GRIK3: variants seen among roughly 807,000 people sequenced by gnomAD.
GRIK3 encodes the protein glutamate ionotropic receptor kainate type subunit 3, also known as glutamate receptor ionotropic, kainate 3.
GRIK3 carries 29 observed loss-of-function variants against 102.5 expected under a neutral mutation model. The observed-to-expected ratio is 0.28, with a 90% CI of 0.21 to 0.39. The LOEUF (loss-of-function observed/expected upper bound fraction) is 0.39. Ranked by LOEUF, GRIK3 falls within the 10% of genes least tolerant of loss-of-function variation. GRIK3 has a pLI of 1.00. For synonymous variants in GRIK3, 511 were observed against 504.9 expected (o/e 1.01, Z -0.16); for missense variants, 908 against 1,252.4 (o/e 0.73, Z 4.15).
At chr1:36,865,929 G>A (rs1038610955) in intron 5 of GRIK3, among the ~76,000 whole-genome samples, 3 of 152,198 alleles carry the variant, frequency 2.0e-5, no homozygotes, top group Non-Finnish European at 4.4e-5. Context: ...CCCTAGGCTG[G>A]AGTGCAGCGG....
chr1:36,872,349 G>C lies in GRIK3; in HGVS notation c.571C>G (p.Leu191Val). 6.2e-7 allele frequency: 1 copy of C among 1,603,956 alleles called. No individual in the cohort carries two copies. Among genetic ancestry groups the C allele is most frequent in the South Asian group, 1.1e-5 (1 of 89,618 alleles). ...DSTGLIRLQE[L>V]IMAPSRYNIR... ...TTGTATCTTGATGGGGCCATGATGAGCTCCTGCAGTCGGATGAGCCCTGAG... is the reference window on the plus strand; with the variant it reads ...TTGTATCTTGATGGGGCCATGATGACCTCCTGCAGTCGGATGAGCCCTGAG... Residue 191 changes from leucine (L) to valine (V), a missense_variant, in exon 4 of 16, where the codon CTC becomes GTC. Leu to Val is a conservative substitution (Grantham distance 32). Transcript: ENST00000373091. This position sits in a 1 kb window ranked among gnomAD's most constrained non-coding sequence, Gnocchi z 5.9.
chr1:36,831,948 A>C (rs1225471934), intron 10 of GRIK3, among the ~76,000 whole-genome samples: 1 of 151,672 alleles, frequency 6.6e-6, no homozygotes, highest in Non-Finnish European at 1.5e-5. Flanking sequence ...GCTGCACATG[A>C]ACTGTTCTCC....
chr1:36,955,034 A>G (rs1240035778), intron 1 of GRIK3, among the ~76,000 whole-genome samples: 4 of 152,230 alleles, frequency 2.6e-5, no homozygotes, highest in East Asian at 1.9e-4. Flanking sequence ...TGGTGGTGCT[A>G]TAAGTGGTGT....
intron 1 of GRIK3, among the ~76,000 whole-genome samples, chr1:36,944,206 G>A (rs1318615998): frequency 6.6e-6 from 1 of 152,244 alleles, no homozygotes; most frequent in East Asian, 1.9e-4. Context: ...GGGGTGGAGG[G>A]AGGAGAGGAG....
Position 36,909,240 on chromosome 1 carries a change from G to T in GRIK3, c.116-18144C>A, listed in dbSNP as rs115031292. Among the ~76,000 whole-genome samples, 1,423 of 151,920 alleles carry T rather than the reference G, an allele frequency of 9.4e-3. 20 individuals are homozygous for T. The highest frequency in any genetic ancestry group is 0.031 in the African/African-American group (1,291 of 41,438). The stretch of plus-strand genomic sequence containing the variant: ...ATTAAACCATTGGCAGCCTGAAATC[G>T]GCCATAGTGAGAGTATTTACACCAC... On this transcript the variant is annotated intron_variant, in intron 1 of 15. Transcript: ENST00000373091.
intron 1 of GRIK3, among the ~76,000 whole-genome samples, chr1:36,954,145 A>T (rs999052542): frequency 1.3e-5 from 2 of 152,196 alleles, no homozygotes; most frequent in Non-Finnish European, 2.9e-5. Flanking sequence ...GGACTCTCAA[A>T]GACAAGAATG....
At chr1:36,802,207 T>C (rs1189834015) in intron 15 of GRIK3, among the ~76,000 whole-genome samples, 162 bp from the exon 16 acceptor site, 2 of 152,192 alleles carry the variant, frequency 1.3e-5, no homozygotes, top group Admixed American at 6.5e-5. Context: ...GCAGGATGAT[T>C]AGTTTGTGCA....
chr1:36,955,983 A>G (rs2124339706), intron 1 of GRIK3, among the ~76,000 whole-genome samples: 1 of 152,384 alleles, frequency 6.6e-6, no homozygotes, highest in Non-Finnish European at 1.5e-5. Flanking sequence ...GGTGAGGAAG[A>G]CAAGGTTCTT....
chr1:36,804,819 C>A, intron 15 of GRIK3, 168 bp downstream of exon 15: 1 of 842,176 alleles, frequency 1.2e-6, no homozygotes. Context: ...GAAAAAAGTG[C>A]CAGGTCAGGA....
At chr1:36,902,102 C>T (rs567931816) in intron 1 of GRIK3, among the ~76,000 whole-genome samples, 3 of 152,134 alleles carry the variant, frequency 2.0e-5, no homozygotes, top group Non-Finnish European at 4.4e-5. Context: ...AATGGAGAGA[C>T]CTTCAATGTT....
intron 1 of GRIK3, among the ~76,000 whole-genome samples, chr1:36,969,246 A>C (rs1458437231): frequency 6.6e-6 from 1 of 152,192 alleles, no homozygotes; most frequent in African/African-American, 2.4e-5. Flanking sequence ...TAAACAACTC[A>C]GGGAGGTCAC....
At chr1:36,957,170 TAGAG>T (rs758764302) in intron 1 of GRIK3, among the ~76,000 whole-genome samples, 1 of 152,192 alleles carries the variant, frequency 6.6e-6, no homozygotes, top group African/African-American at 2.4e-5. Flanking sequence ...CTCTTATCAA[TAGAG>T]AGAGAGGGAC....
At chr1:36,845,003 C>T (rs1240788279) in intron 9 of GRIK3, among the ~76,000 whole-genome samples, 2 of 152,192 alleles carry the variant, frequency 1.3e-5, no homozygotes, top group Non-Finnish European at 2.9e-5. Flanking sequence ...ATCTATACAT[C>T]TCCATATAAA....
intron 1 of GRIK3, among the ~76,000 whole-genome samples, chr1:36,972,262 G>GA (rs1421380969): frequency 1.3e-5 from 2 of 152,196 alleles, no homozygotes; most frequent in Non-Finnish European, 2.9e-5. Context: ...AACCTCCTTG[G>GA]AGCCCCTAAG....
At chr1:36,885,115 G>A (rs1376434437) in intron 2 of GRIK3, among the ~76,000 whole-genome samples, 1 of 152,234 alleles carries the variant, frequency 6.6e-6, no homozygotes, top group Non-Finnish European at 1.5e-5. Context: ...ATTGCTGAGG[G>A]TGAAATTAAT....
At chr1:37,021,379 G>C (rs965696980) in intron 1 of GRIK3, among the ~76,000 whole-genome samples, 4 of 152,050 alleles carry the variant, frequency 2.6e-5, no homozygotes, top group African/African-American at 7.3e-5. Flanking sequence ...CATGGGCTCG[G>C]AGACCACCAA....
intron 1 of GRIK3, among the ~76,000 whole-genome samples, chr1:36,929,731 T>G (rs1261097591): frequency 6.6e-6 from 1 of 152,232 alleles, no homozygotes; most frequent in Non-Finnish European, 1.5e-5. Flanking sequence ...TTTATTGTTG[T>G]GTAACAAATT....
intron 5 of GRIK3, among the ~76,000 whole-genome samples, chr1:36,868,651 G>A (rs1440852760): frequency 6.6e-6 from 1 of 152,250 alleles, no homozygotes; most frequent in East Asian, 1.9e-4. Context: ...CTCGCCCGCT[G>A]GATCAAGCCA....
chr1:36,992,754 C>T (rs952334629), intron 1 of GRIK3, among the ~76,000 whole-genome samples: 27 of 152,290 alleles, frequency 1.8e-4, no homozygotes, highest in Non-Finnish European at 2.4e-4. Flanking sequence ...GCATCCTAAG[C>T]GGCTTCCATG....
Sources: allele counts gnomAD v4.1 joint callset (sites outside exome capture counted in the v4.1 genomes callset), GRCh38; gene constraint gnomAD v4.1.1; non-coding constraint Gnocchi (gnomAD v3.1); transcripts MANE v1.5; gene names NCBI Gene and HGNC (gene_info 2026-07-23, HGNC 2026-07-21).